The following KLC4 variants were observed in gnomAD, a reference collection of about 807,000 sequenced individuals.
KLC4 encodes kinesin light chain 4, also known as kinesin-like protein 8.
Under a neutral mutation model 77.2 loss-of-function variants are expected in KLC4, and 49 were observed. The ratio of observed to expected loss-of-function variants is 0.63; its 90% CI spans 0.50 to 0.80. The LOEUF (loss-of-function observed/expected upper bound fraction) is 0.80. KLC4 is among the 30% of genes least tolerant of loss of function. The pLI is 0.00. For missense variants in KLC4, 669 were observed against 793.5 expected, an observed-to-expected ratio of 0.84 and a Z score of 1.89; for synonymous variants, 274 against 314.5, an observed-to-expected ratio of 0.87 and a Z score of 1.36.
chr6:43,060,281 G>A, intron 1 of KLC4: 1 of 1,613,716 alleles, frequency 6.2e-7, no homozygotes, highest in Non-Finnish European at 8.5e-7. Context: ...CTTGCTGTAG[G>A]TCTCTGGTTA....
At chr6:43,073,162 G>A in intron 13 of KLC4, 61 bp from the exon 14 acceptor site, 1 of 1,441,138 alleles carries the variant, frequency 6.9e-7, no homozygotes, top group Non-Finnish European at 9.7e-7. Flanking sequence ...GCTAGGAGTA[G>A]ACTCAGAAAC....
intron 3 of KLC4, among the ~76,000 whole-genome samples, chr6:43,064,985 A>G (rs1175051559): frequency 6.6e-6 from 1 of 152,214 alleles, no homozygotes; most frequent in East Asian, 1.9e-4. Context: ...CAGACATACA[A>G]TCAACGTAAA....
At chr6:43,073,631 C>T in intron 14 of KLC4, 1 of 520,008 alleles carries the variant, frequency 1.9e-6, no homozygotes, top group South Asian at 2.3e-5. Flanking sequence ...CAGGCGACAA[C>T]AGCGAGACTC....
chr6:43,059,787 C>G, intron 1 of KLC4, 102 bp downstream of exon 1: 2 of 1,183,690 alleles, frequency 1.7e-6, no homozygotes, highest in Admixed American at 8.6e-5. Flanking sequence ...ACCAACCTTA[C>G]AAAACTCCAG....
chr6:43,073,141 G>A (rs899050458), intron 13 of KLC4, 82 bp from the exon 14 acceptor site: 2 of 1,363,566 alleles, frequency 1.5e-6, no homozygotes, highest in Non-Finnish European at 2.1e-6. Flanking sequence ...GGGGATGTGT[G>A]CAGAATAAAT....
rs1765857670 is a variant in KLC4 at position 43,074,027 on chromosome 6, C to A, written c.1809+62C>A. 11 of 1,294,206 alleles carry A rather than the reference C, an allele frequency of 8.5e-6. No homozygotes were observed. The South Asian group carries it at 1.1e-4, about 13-fold the overall frequency. The allele number at this position is 1,294,206 out of a possible 1,614,324, so 80.2% of individuals were successfully genotyped here. A position where few individuals can be genotyped will look rare whatever the true frequency, so the allele number is the denominator to read the frequency against. ...GAAAAAAGGACAGCCAGTGAGCAAG[C>A]CCAGTGGAGTAAGGGAAGAGGGAAG... is the stretch of plus-strand genomic sequence containing the variant. On this transcript the variant is annotated intron_variant, in intron 15 of 15. Transcript: ENST00000347162.
intron 10 of KLC4, 75 bp downstream of exon 10, chr6:43,071,694 C>T (rs558597801): frequency 2.4e-4 from 360 of 1,506,966 alleles, no homozygotes; most frequent in Middle Eastern, 9.8e-4. Flanking sequence ...TTGCATTAGC[C>T]CAACTCTCAC....
At chr6:43,069,276 G>A (rs1006973699) in intron 6 of KLC4, among the ~76,000 whole-genome samples, 8 of 152,166 alleles carry the variant, frequency 5.3e-5, no homozygotes, top group Admixed American at 1.3e-4. Flanking sequence ...ATGGAGTTTC[G>A]CAGTGTCACC....
rs1216738359 is a variant in KLC4, at chr6:43,072,097, G to A, written c.1380-50G>A. On this transcript the variant is annotated intron_variant, in intron 11 of 15. Transcript: ENST00000347162. ...GTCTTGCTTGGAAGACAAATGTTTT[G>A]TTTTCTGAACTCATTCTCTCTTCCT... 6 of 1,515,798 alleles carry A rather than the reference G, an allele frequency of 4.0e-6. No homozygotes were observed. The African/African-American group carries it at 4.1e-5, about 10-fold the overall frequency. The allele number at this position is 1,515,798 out of a possible 1,614,324, so 93.9% of individuals were successfully genotyped here.
intron 2 of KLC4, 71 bp downstream of exon 2, chr6:43,061,664 G>A: frequency 6.8e-7 from 1 of 1,467,834 alleles, no homozygotes; most frequent in Admixed American, 2.1e-5. Flanking sequence ...AAAGGTTTGG[G>A]GCTGCTTGGG....
chr6:43,071,969 C>T lies in KLC4; in HGVS notation c.1379+47C>T, dbSNP rs913983338. ...AGCTTGGCCTCCGATGCCCTCCATC[C>T]AGTCCCTGCTCCCAGCCTCCCAGAC... On this transcript the variant is annotated intron_variant, in intron 11 of 15. Transcript: ENST00000347162. 1.1e-5 allele frequency: 17 copies of T among 1,558,410 alleles called. No homozygotes were observed. The African/African-American group carries it at 2.0e-4, about 19-fold the overall frequency.
chr6:43,074,588 C>G (rs935930823), intron 15 of KLC4, 34 bp from the exon 16 acceptor site: 1 of 1,605,726 alleles, frequency 6.2e-7, no homozygotes, highest in African/African-American at 1.3e-5. Flanking sequence ...AGGCCGAGGT[C>G]CCTGAGCTGA....
intron 6 of KLC4, 83 bp from the exon 7 acceptor site, chr6:43,070,271 C>A: frequency 3.4e-6 from 3 of 875,088 alleles, no homozygotes; most frequent in Non-Finnish European, 1.9e-6. Context: ...GAGTGTTGGG[C>A]CCTGCTGGGA....
At chr6:43,059,860 C>G in intron 1 of KLC4, 175 bp downstream of exon 1, 2 of 1,190,900 alleles carry the variant, frequency 1.7e-6, no homozygotes, top group Non-Finnish European at 2.1e-6. Flanking sequence ...GATAGACAGA[C>G]GACCTGCCCC....
chr6:43,066,491 G>C lies in KLC4; in HGVS notation c.757G>C (p.Ala253Pro). 1 of 1,613,694 alleles carries C rather than the reference G, an allele frequency of 6.2e-7. No individual in the cohort carries two copies. The highest frequency in any genetic ancestry group is 1.1e-5 in the South Asian group (1 of 91,066). The change falls in exon 5 of 16, where the codon GCC (alanine) becomes CCC (proline). Residue 253 changes from alanine (A) to proline (P), a missense_variant. By Grantham distance (27) the Ala-to-Pro change is conservative (BLOSUM62 -1). Coordinates refer to ENST00000347162, the MANE Select transcript of KLC4 (RefSeq NM_201521.3). ...RTSGRGHPDV[A>P]TMLNILALVY... ...ATCAGGCCGTGGCCACCCTGATGTC[G>C]CCACCATGCTCAACATCCTTGCTTT...
chr6:43,071,446 C>T (rs1423175857), intron 9 of KLC4, 72 bp downstream of exon 9: 15 of 1,542,530 alleles, frequency 9.7e-6, no homozygotes, highest in Non-Finnish European at 1.3e-5. Flanking sequence ...GGGGGTTAGG[C>T]CACAGCGGTT....
chr6:43,062,909 C>T lies in KLC4; in HGVS notation c.259-8C>T. 6.2e-7 allele frequency: 1 copy of T among 1,612,156 alleles called. No individual in the cohort carries two copies. Among genetic ancestry groups the T allele is most frequent in the Non-Finnish European group, 8.5e-7 (1 of 1,178,230 alleles). On this transcript the variant is annotated splice_region_variant and splice_polypyrimidine_tract_variant and intron_variant, in intron 2 of 15. Coordinates refer to ENST00000347162, the MANE Select transcript of KLC4 (RefSeq NM_201521.3). ...AGAATCTGGAGCTCAGGGGATGTGC[C>T]CACCTAGGTGATGCTGGCTCTAGCC...
Position 43,061,471 on chromosome 6 carries a change from AGCC to A in KLC4, c.137_139del (p.Ser46_Leu47delinsMet). 6.2e-7 allele frequency: 1 copy of A among 1,614,202 alleles called. No homozygotes were observed. Among genetic ancestry groups the A allele is most frequent in the Non-Finnish European group, 8.5e-7 (1 of 1,180,022 alleles). On this transcript the variant is annotated inframe_deletion, in exon 2 of 16. Coordinates refer to ENST00000347162, the MANE Select transcript of KLC4 (RefSeq NM_201521.3). ...CAGTGAACACCAGGCCGTGCTGCAA[AGCC>A]TGTCCCAGACCATTGAGTGTCTGCA...
intron 1 of KLC4, chr6:43,060,934 G>A (rs1275128984): frequency 4.9e-6 from 1 of 204,558 alleles, no homozygotes; most frequent in East Asian, 1.2e-4. Flanking sequence ...TGTGCCATTT[G>A]CAGCTCTCCC....
Sources: gnomAD v4.1 joint callset for allele counts (sites outside exome capture counted in the v4.1 genomes callset) on GRCh38, gnomAD v4.1.1 for gene constraint, MANE v1.5 for transcripts, NCBI Gene and HGNC (gene_info 2026-07-23, HGNC 2026-07-21) for gene names.